The following TASP1 variants were observed in gnomAD, a reference collection of about 807,000 sequenced individuals.
The protein encoded by TASP1 is threonine aspartase 1.
TASP1 carries 16 observed loss-of-function variants against 56.6 expected under a neutral mutation model. The ratio of observed to expected loss-of-function variants is 0.28; its 90% confidence interval spans 0.19 to 0.43. The LOEUF (loss-of-function observed/expected upper bound fraction) is 0.43. Ranked by LOEUF, TASP1 falls within the 20% of genes least tolerant of loss-of-function variation. The probability of loss-of-function intolerance (pLI) is 1.00; values close to 1 mark genes in which losing one functional copy is unlikely to be tolerated. For missense variants in TASP1, 393 were observed against 511.6 expected (o/e 0.77, Z 2.24); for synonymous variants, 179 against 184.2 (o/e 0.97, Z 0.23).
chr20:13,539,309 T>G (rs2045532613), intron 8 of TASP1, among the ~76,000 whole-genome samples: 1 of 152,120 alleles, frequency 6.6e-6, no homozygotes, highest in South Asian at 2.1e-4. Flanking sequence ...CCAAATATAT[T>G]TATAGAGCAA....
intron 4 of TASP1, among the ~76,000 whole-genome samples, chr20:13,613,846 T>C (rs1424724104): frequency 6.6e-6 from 1 of 152,112 alleles, no homozygotes; most frequent in African/African-American, 2.4e-5. Flanking sequence ...TGAAGTATCT[T>C]TCATTCATTA....
At chr20:13,595,809 C>T (rs1282757102) in intron 4 of TASP1, among the ~76,000 whole-genome samples, 1 of 152,184 alleles carries the variant, frequency 6.6e-6, no homozygotes, top group East Asian at 1.9e-4. Context: ...CAATATTAGA[C>T]AGATCAACAA....
the TASP1 span, among the ~76,000 whole-genome samples, chr20:13,237,018 A>G: frequency 1.3e-5 from 2 of 152,176 alleles, no homozygotes; most frequent in Non-Finnish European, 2.9e-5. Flanking sequence ...TCACAGCTCC[A>G]CTAGGCAGTG....
chr20:13,615,739 G>A (rs1358147412), intron 4 of TASP1, among the ~76,000 whole-genome samples: 16 of 151,914 alleles, frequency 1.1e-4, no homozygotes, highest in East Asian at 1.9e-4. Context: ...TCCTGACCTC[G>A]TGATCCGCCC....
At chr20:13,480,224 G>A (rs1429663536) in intron 11 of TASP1, among the ~76,000 whole-genome samples, 1 of 152,074 alleles carries the variant, frequency 6.6e-6, no homozygotes, top group Non-Finnish European at 1.5e-5. Context: ...TAGCATTTTT[G>A]CTTTTATTCT....
At chr20:13,633,392 T>G (rs925630789) in intron 1 of TASP1, among the ~76,000 whole-genome samples, 1 of 152,166 alleles carries the variant, frequency 6.6e-6, no homozygotes, top group Non-Finnish European at 1.5e-5. Context: ...CCTTGAAACT[T>G]TCGAATTTGA....
At chr20:13,580,738 TC>T (rs1424961112) in intron 6 of TASP1, among the ~76,000 whole-genome samples, 158 bp downstream of exon 6, 4 of 152,178 alleles carry the variant, frequency 2.6e-5, no homozygotes, top group African/African-American at 4.8e-5. Context: ...TTCTTTTCTA[TC>T]CAAAACTTTA....
the TASP1 span, among the ~76,000 whole-genome samples, chr20:13,365,529 G>A: frequency 1.1e-4 from 16 of 152,202 alleles, no homozygotes; most frequent in African/African-American, 3.9e-4. Flanking sequence ...TTGAGCATAG[G>A]CCTGAATGAT....
intron 8 of TASP1, among the ~76,000 whole-genome samples, chr20:13,555,721 G>A (rs770084644): frequency 2.0e-5 from 3 of 152,100 alleles, no homozygotes; most frequent in East Asian, 1.9e-4. Context: ...CATGAATCAC[G>A]AATATACACA....
chr20:13,321,253 TAAAA>T, the TASP1 span, among the ~76,000 whole-genome samples: 17 of 57,512 alleles, frequency 3.0e-4, no homozygotes, highest in African/African-American at 1.1e-3. Flanking sequence ...GTGCCCCACA[TAAAA>T]AAAAAAAAAA....
At chr20:13,156,604 C>T in the TASP1 span, among the ~76,000 whole-genome samples, 2 of 152,264 alleles carry the variant, frequency 1.3e-5, no homozygotes. Context: ...AAAATGATGT[C>T]CATACAGCAT....
chr20:13,592,014 A>T (rs907727043), intron 4 of TASP1, among the ~76,000 whole-genome samples: 1 of 152,190 alleles, frequency 6.6e-6, no homozygotes, highest in Non-Finnish European at 1.5e-5. Context: ...TCCTCAAAAG[A>T]TAGCATAAGA....
intron 10 of TASP1, among the ~76,000 whole-genome samples, chr20:13,501,420 G>T (rs1348196839): frequency 4.6e-5 from 7 of 151,944 alleles, no homozygotes; most frequent in African/African-American, 1.7e-4. Flanking sequence ...AACATAATAT[G>T]CCAAGAGCTC....
In TASP1 at chr20:13,534,079, A is replaced by C; in HGVS notation, c.738T>G (p.Val246=). The C allele has an allele frequency of 1.2e-6, 2 of 1,613,782 alleles. No homozygotes were observed. ...AGCCTCCACTGGAGACAGCAGCAGC[A>C]ACATTCCCTTCGTGGTCCACAACCA... ...GAVVVDHEGN[V]AAAVSSGGLA... is the part of the protein sequence containing the mutation. The change falls in exon 9 of 14, where the codon GTT becomes GTG. Residue 246 remains valine, a synonymous_variant. Coordinates refer to ENST00000337743, the MANE Select transcript of TASP1 (RefSeq NM_017714.3).
At chr20:13,359,885 C>T in the TASP1 span, among the ~76,000 whole-genome samples, 553 of 151,954 alleles carry the variant, frequency 3.6e-3, 3 homozygotes, top group African/African-American at 0.013. Context: ...CCCTCCTTGG[C>T]GGCCGATCAT....
chr20:13,288,737 A>G, the TASP1 span: 4 of 1,525,088 alleles, frequency 2.6e-6, no homozygotes, highest in South Asian at 1.2e-5. Flanking sequence ...TTTTTAATTT[A>G]TCATTAAAAA....
the TASP1 span, among the ~76,000 whole-genome samples, chr20:13,218,953 G>A: frequency 6.6e-6 from 1 of 152,172 alleles, no homozygotes; most frequent in Non-Finnish European, 1.5e-5. Flanking sequence ...ATTTTACAAA[G>A]ACTTTGATCT....
At chr20:13,531,445 A>G (rs2045213033) in intron 9 of TASP1, among the ~76,000 whole-genome samples, 1 of 152,078 alleles carries the variant, frequency 6.6e-6, no homozygotes. Flanking sequence ...CAGTAAGCTA[A>G]AGAAGCAAAT....
chr20:13,489,651 G>A (rs1305756271), intron 10 of TASP1, among the ~76,000 whole-genome samples: 1 of 152,144 alleles, frequency 6.6e-6, no homozygotes, highest in East Asian at 1.9e-4. Flanking sequence ...CTCTTCCCAG[G>A]CATCTGTTAC....
Sources: allele counts gnomAD v4.1 joint callset (sites outside exome capture counted in the v4.1 genomes callset), GRCh38; gene constraint gnomAD v4.1.1; transcripts MANE v1.5; gene names NCBI Gene and HGNC (gene_info 2026-07-23, HGNC 2026-07-21).